The following COX10 variants were observed in gnomAD, a reference collection of about 807,000 sequenced individuals.
COX10 encodes the protein cytochrome c oxidase assembly factor heme A:farnesyltransferase COX10, also known as protoheme IX farnesyltransferase, mitochondrial.
In COX10, 27 loss-of-function variants were observed where a neutral mutation model predicts 37.3. The observed-to-expected ratio is 0.72, with a 90% CI of 0.53 to 1.00. The LOEUF is 1.00. Among genes scored for constraint, COX10 ranks in the 50% least tolerant of loss-of-function variants. The pLI is 0.00. For missense variants in COX10, 475 were observed against 563.2 expected (o/e 0.84, Z 1.59); for synonymous variants, 222 against 229.1 (o/e 0.97, Z 0.28).
At chr17:14,138,875 G>A (rs966914399) in intron 4 of COX10, among the ~76,000 whole-genome samples, 3 of 152,044 alleles carry the variant, frequency 2.0e-5, no homozygotes, top group Non-Finnish European at 4.4e-5. Context: ...TGGGGTATTC[G>A]GTAGTGATGA....
chr17:14,161,132 G>A (rs1321762764), intron 5 of COX10, among the ~76,000 whole-genome samples: 2 of 152,180 alleles, frequency 1.3e-5, no homozygotes, highest in African/African-American at 4.8e-5. Flanking sequence ...ATTTTAAACA[G>A]CCCATCTTAC....
At chr17:14,193,095 C>T (rs1039848999) in intron 6 of COX10, among the ~76,000 whole-genome samples, 3 of 152,302 alleles carry the variant, frequency 2.0e-5, no homozygotes, top group Middle Eastern at 3.4e-3. Context: ...AATGAATCTA[C>T]GAATACCATA....
At chr17:14,121,195 TCACCC>T (rs1916220577) in intron 4 of COX10, among the ~76,000 whole-genome samples, 1 of 152,230 alleles carries the variant, frequency 6.6e-6, no homozygotes, top group African/African-American at 2.4e-5. Context: ...GTATTTCATC[TCACCC>T]TTGATATCAG....
chr17:14,165,719 A>G (rs1438881416), intron 5 of COX10, among the ~76,000 whole-genome samples: 1 of 152,242 alleles, frequency 6.6e-6, no homozygotes, highest in Non-Finnish European at 1.5e-5. Context: ...AAAAGCTGAG[A>G]TAGGCTGAAG....
chr17:14,196,070 C>G (rs537923788), intron 6 of COX10, among the ~76,000 whole-genome samples: 4 of 152,220 alleles, frequency 2.6e-5, no homozygotes, highest in African/African-American at 9.6e-5. Context: ...AAAAAGGTTT[C>G]CCGTCTTCTG....
At chr17:14,075,883 T>C (rs1915134441) in intron 2 of COX10, among the ~76,000 whole-genome samples, 1 of 151,132 alleles carries the variant, frequency 6.6e-6, no homozygotes, top group African/African-American at 2.4e-5. Context: ...TCCCAACTAC[T>C]TGGGAGGCTG....
chr17:14,141,550 AAAAAG>A (rs1332162916), intron 4 of COX10, among the ~76,000 whole-genome samples: 1 of 151,402 alleles, frequency 6.6e-6, no homozygotes, highest in East Asian at 1.9e-4. Flanking sequence ...AAAAAAAAAA[AAAAAG>A]AAGACTACCT....
chr17:14,197,470 G>T (rs904400043), intron 6 of COX10, among the ~76,000 whole-genome samples: 6 of 152,326 alleles, frequency 3.9e-5, no homozygotes, highest in South Asian at 4.1e-4. Flanking sequence ...TTAAAAATCA[G>T]ATAGTGTAAA....
intron 6 of COX10, among the ~76,000 whole-genome samples, chr17:14,204,765 C>G (rs1376852576): frequency 1.9e-5 from 2 of 103,970 alleles, no homozygotes; most frequent in Non-Finnish European, 4.5e-5. Flanking sequence ...GCTCAGCACT[C>G]TTATACGTTA....
chr17:14,134,252 A>T (rs1021783459), intron 4 of COX10, among the ~76,000 whole-genome samples: 2 of 151,762 alleles, frequency 1.3e-5, no homozygotes, highest in South Asian at 4.1e-4. Context: ...TGTACTCATG[A>T]CCTTTAGGAA....
At chr17:14,173,196 A>T (rs1905537098) in intron 5 of COX10, among the ~76,000 whole-genome samples, 1 of 152,262 alleles carries the variant, frequency 6.6e-6, no homozygotes, top group Non-Finnish European at 1.5e-5. Context: ...TGGAGCTTGC[A>T]TGCTAGCCAT....
intron 4 of COX10, among the ~76,000 whole-genome samples, chr17:14,105,929 A>G (rs953712017): frequency 1.3e-5 from 2 of 152,144 alleles, no homozygotes; most frequent in Non-Finnish European, 2.9e-5. Context: ...TATATCATAC[A>G]TATATATAGT....
At chr17:14,118,888 T>C (rs1916170833) in intron 4 of COX10, among the ~76,000 whole-genome samples, 1 of 152,020 alleles carries the variant, frequency 6.6e-6, no homozygotes, top group Admixed American at 6.6e-5. Flanking sequence ...CTTTTTTTTT[T>C]TCATACAAAT....
chr17:14,099,623 G>A (rs564309988), intron 3 of COX10, among the ~76,000 whole-genome samples: 3 of 151,994 alleles, frequency 2.0e-5, no homozygotes, highest in Non-Finnish European at 4.4e-5. Flanking sequence ...TATTCTTTGT[G>A]TCTTTCATTC....
chr17:14,132,355 A>G (rs1247860190), intron 4 of COX10, among the ~76,000 whole-genome samples: 1 of 151,908 alleles, frequency 6.6e-6, no homozygotes, highest in Non-Finnish European at 1.5e-5. Context: ...CAAATCTATC[A>G]CTTAGAAAAG....
chr17:14,139,274 G>A (rs542692959), intron 4 of COX10, among the ~76,000 whole-genome samples: 6 of 152,156 alleles, frequency 3.9e-5, no homozygotes, highest in African/African-American at 1.2e-4. Context: ...TACTAAACTA[G>A]CTATAGATTT....
intron 6 of COX10, among the ~76,000 whole-genome samples, chr17:14,195,404 A>T (rs1597546906): frequency 6.6e-6 from 1 of 152,198 alleles, no homozygotes; most frequent in Non-Finnish European, 1.5e-5. Flanking sequence ...GTGGCTATTT[A>T]AATTTAAATT....
intron 4 of COX10, among the ~76,000 whole-genome samples, chr17:14,115,647 T>C (rs1482538177): frequency 6.6e-6 from 1 of 152,088 alleles, no homozygotes; most frequent in Non-Finnish European, 1.5e-5. Flanking sequence ...CATCAATGGA[T>C]GATTACATAA....
intron 4 of COX10, among the ~76,000 whole-genome samples, chr17:14,113,601 C>T (rs1327540328): frequency 7.9e-5 from 12 of 152,014 alleles, no homozygotes; most frequent in Admixed American, 7.9e-4. Context: ...AATTTTAGCT[C>T]GTAGATTCAG....
Sources: gnomAD v4.1 joint callset for allele counts (sites outside exome capture counted in the v4.1 genomes callset) on GRCh38, gnomAD v4.1.1 for gene constraint, MANE v1.5 for transcripts, NCBI Gene and HGNC (gene_info 2026-07-23, HGNC 2026-07-21) for gene names.